The following PTPRN2 variants were observed in gnomAD, a reference collection of about 807,000 sequenced individuals.
PTPRN2 encodes protein tyrosine phosphatase receptor type N2.
In PTPRN2, 74 loss-of-function variants were observed where a neutral mutation model predicts 118.8. The ratio of observed to expected loss-of-function variants is 0.62; its 90% CI spans 0.52 to 0.76. The LOEUF (loss-of-function observed/expected upper bound fraction) is 0.76, where lower values mean the gene tolerates loss of function less well. PTPRN2 is among the 30% of genes least tolerant of loss of function. The probability of loss-of-function intolerance (pLI) is 0.00; values close to 1 mark genes in which losing one functional copy is unlikely to be tolerated. For missense variants in PTPRN2, 1,481 were observed against 1,394.4 expected (o/e 1.06, Z -0.99); for synonymous variants, 641 against 608.0 (o/e 1.05, Z -0.80).
intron 2 of PTPRN2, among the ~76,000 whole-genome samples, chr7:158,352,824 T>G (rs549639054): frequency 6.6e-6 from 1 of 152,290 alleles, no homozygotes; most frequent in Non-Finnish European, 1.5e-5. Flanking sequence ...CAGAGATAGA[T>G]TTTTCGAATG....
chr7:157,978,758 G>T (rs948565909), intron 11 of PTPRN2, among the ~76,000 whole-genome samples: 2 of 151,978 alleles, frequency 1.3e-5, no homozygotes, highest in Non-Finnish European at 2.9e-5. Flanking sequence ...CTCAAGGGAA[G>T]CCTTTTCCCC....
intron 1 of PTPRN2, among the ~76,000 whole-genome samples, chr7:158,552,875 C>T (rs1409061775): frequency 1.3e-5 from 2 of 152,350 alleles, no homozygotes; most frequent in East Asian, 3.9e-4. Context: ...AGAGTGGACA[C>T]TATCCTCCGT....
intron 11 of PTPRN2, among the ~76,000 whole-genome samples, chr7:157,992,719 C>G (rs1169955075): frequency 6.6e-6 from 1 of 152,206 alleles, no homozygotes; most frequent in African/African-American, 2.4e-5. Context: ...CACACTCCAC[C>G]AGGAGCCCCC....
chr7:157,784,731 G>A lies in PTPRN2; in HGVS notation c.1789-101794C>T, dbSNP rs140635083. Among the ~76,000 whole-genome samples, 3 of 152,188 alleles carry A rather than the reference G, an allele frequency of 2.0e-5. No homozygotes were observed. Among genetic ancestry groups the A allele is most frequent in the East Asian group, 3.9e-4 (2 of 5,132 alleles). Reference sequence around the variant, plus strand: ...AGCTGATCCCGTGGCAGTGCAAACCGAGGGCCCCCTGGGTCTCGACATTTC... The same window carrying A: ...AGCTGATCCCGTGGCAGTGCAAACCAAGGGCCCCCTGGGTCTCGACATTTC... On this transcript the variant is annotated intron_variant, in intron 12 of 22. Transcript: ENST00000389418. The surrounding 1 kb of genome is among the most constrained non-coding windows in gnomAD (Gnocchi z 4.6).
chr7:158,253,893 T>TGCC (rs201589489), intron 3 of PTPRN2, among the ~76,000 whole-genome samples: 5,357 of 120,020 alleles, frequency 0.045, 1,213 homozygotes, highest in Admixed American at 0.1. Context: ...ACAGAGCCAC[T>TGCC]GCCCACGGCA....
intron 6 of PTPRN2, among the ~76,000 whole-genome samples, chr7:158,155,353 G>A (rs1346578181): frequency 6.6e-6 from 1 of 152,144 alleles, no homozygotes; most frequent in Admixed American, 6.6e-5. Flanking sequence ...AACAGCTTTT[G>A]CTCCTAAGTG....
At chr7:157,820,292 G>A (rs1458967526) in intron 12 of PTPRN2, among the ~76,000 whole-genome samples, 1 of 134,106 alleles carries the variant, frequency 7.5e-6, no homozygotes, top group Non-Finnish European at 1.6e-5. Flanking sequence ...CCACACCCAT[G>A]TCACACACAG....
intron 10 of PTPRN2, among the ~76,000 whole-genome samples, chr7:158,095,710 G>C (rs1361945924): frequency 6.6e-6 from 1 of 152,144 alleles, no homozygotes; most frequent in Non-Finnish European, 1.5e-5. Flanking sequence ...ACAGACTGAG[G>C]CCCTGCCTTC....
Position 158,133,881 on chromosome 7 carries a change from G to A in PTPRN2, c.1352C>T (p.Thr451Met), listed in dbSNP as rs747387074. The A allele has an allele frequency of 1.2e-6, 2 of 1,613,910 alleles. No individual in the cohort carries two copies. The highest frequency in any genetic ancestry group is 1.7e-5 in the Admixed American group (1 of 60,036). ...CTGCCCCAGCAGATCTTTGGAATAC[G>A]TCTGGCTCTTGACGTTCTCCACTCC... ...TAGVENVKSQ[T>M]YSKDLLGQQP... The change falls in exon 9 of 23, where the codon ACG (threonine) becomes ATG (methionine). Residue 451 changes from threonine to methionine, a missense_variant. By Grantham distance (81) the Thr-to-Met change is moderately conservative. Around this residue, in one of 3 missense-constraint regions of PTPRN2, gnomAD observed 1,115 missense variants for 994.2 expected, o/e 1.12. Transcript: ENST00000389418.
intron 1 of PTPRN2, among the ~76,000 whole-genome samples, chr7:158,520,154 C>T (rs1043339383): frequency 1.3e-5 from 2 of 152,186 alleles, no homozygotes; most frequent in Non-Finnish European, 2.9e-5. Flanking sequence ...AGAGTGGGCC[C>T]TTCAGCTCCC....
At chr7:157,693,577 C>A (rs1276357254) in intron 12 of PTPRN2, among the ~76,000 whole-genome samples, 1 of 152,028 alleles carries the variant, frequency 6.6e-6, no homozygotes, top group African/African-American at 2.4e-5. Context: ...AGCACAGGGG[C>A]GGGCGACGGC....
chr7:158,479,273 G>A (rs1029993992), intron 2 of PTPRN2, among the ~76,000 whole-genome samples: 7 of 151,896 alleles, frequency 4.6e-5, no homozygotes, highest in Admixed American at 3.3e-4. Context: ...TTCTGTGAGC[G>A]CTCAATACAA....
chr7:158,002,398 C>G (rs911955851), intron 11 of PTPRN2, among the ~76,000 whole-genome samples: 1 of 152,112 alleles, frequency 6.6e-6, no homozygotes, highest in East Asian at 1.9e-4. Context: ...TCCAGTTTCA[C>G]GGTGAGGGGA....
intron 1 of PTPRN2, among the ~76,000 whole-genome samples, chr7:158,548,658 T>C (rs1456522071): frequency 6.6e-6 from 1 of 152,150 alleles, no homozygotes; most frequent in Non-Finnish European, 1.5e-5. Flanking sequence ...GATAAAGGTG[T>C]TTTCTTCCTT....
In PTPRN2 at chr7:157,785,387, C is replaced by T. The variant is rs548949304; in HGVS notation, c.1789-102450G>A. On this transcript the variant is annotated intron_variant, in intron 12 of 22. Transcript: ENST00000389418. This position sits in a 1 kb window ranked among gnomAD's most constrained non-coding sequence, Gnocchi z 7.3. ...AGACCACGGTGCTCCAAAACGAAAT[C>T]GCCCCCGAGGATGAAAGGGGGTGGT... Among the ~76,000 whole-genome samples, 9 of 152,278 alleles carry T rather than the reference C, an allele frequency of 5.9e-5. No homozygotes were observed. The highest frequency in any genetic ancestry group is 1.7e-4 in the African/African-American group (7 of 41,572).
intron 2 of PTPRN2, among the ~76,000 whole-genome samples, chr7:158,372,950 C>A (rs531350648): frequency 2.6e-5 from 4 of 152,080 alleles, no homozygotes; most frequent in African/African-American, 4.8e-5. Context: ...ATCCCTCCTG[C>A]AATCTGGGGC....
chr7:157,956,100 A>G (rs1160160606), intron 11 of PTPRN2, among the ~76,000 whole-genome samples: 1 of 152,172 alleles, frequency 6.6e-6, no homozygotes, highest in Admixed American at 6.5e-5. Flanking sequence ...TATTCTTCCT[A>G]CGTGCTGGCA....
chr7:158,133,518 C>T (rs575498564), intron 9 of PTPRN2, among the ~76,000 whole-genome samples, 159 bp downstream of exon 9: 2 of 152,210 alleles, frequency 1.3e-5, no homozygotes, highest in Non-Finnish European at 2.9e-5. Context: ...ACCTGGCTGC[C>T]CTCCGCGCCT....
chr7:157,925,769 G>A (rs1316845629), intron 11 of PTPRN2, among the ~76,000 whole-genome samples: 3 of 147,578 alleles, frequency 2.0e-5, no homozygotes, highest in Non-Finnish European at 4.4e-5. Context: ...TCCTAGAGAC[G>A]CGTCACAGAG....
Sources: allele counts gnomAD v4.1 joint callset (sites outside exome capture counted in the v4.1 genomes callset), GRCh38; gene constraint gnomAD v4.1.1; regional missense constraint gnomAD v4.1.1; non-coding constraint Gnocchi (gnomAD v3.1); transcripts MANE v1.5; gene names NCBI Gene and HGNC (gene_info 2026-07-23, HGNC 2026-07-21).